TPD52L1: variants seen among roughly 807,000 people sequenced by gnomAD.
TPD52L1 encodes TPD52 like 1, also known as tumor protein D53.
TPD52L1 carries 18 observed loss-of-function variants against 28.7 expected under a neutral mutation model. The observed-to-expected ratio is 0.63, with a 90% CI of 0.43 to 0.93. TPD52L1 has a LOEUF of 0.93. Ranked by LOEUF, TPD52L1 falls within the 40% of genes least tolerant of loss-of-function variation. The pLI is 0.00. For synonymous variants in TPD52L1, 75 were observed against 88.8 expected (o/e 0.84, Z 0.88); for missense variants, 203 against 254.8 (o/e 0.80, Z 1.39).
intron 1 of TPD52L1, among the ~76,000 whole-genome samples, chr6:125,154,937 GAA>G (rs372603840): frequency 1.7e-4 from 25 of 145,786 alleles, no homozygotes; most frequent in African/African-American, 6.2e-4. Context: ...TCATTAAAAA[GAA>G]AAAAAAAAAG....
chr6:125,166,241 G>A (rs1448338899), intron 1 of TPD52L1, among the ~76,000 whole-genome samples: 1 of 152,166 alleles, frequency 6.6e-6, no homozygotes, highest in Non-Finnish European at 1.5e-5. Flanking sequence ...TTGGATATTT[G>A]TAGTTTTTCA....
chr6:125,229,358 G>C (rs921046216), intron 3 of TPD52L1, 92 bp downstream of exon 3: 1 of 1,295,620 alleles, frequency 7.7e-7, no homozygotes, highest in African/African-American at 1.5e-5. Flanking sequence ...AGGCTGATTT[G>C]GTGCATGAAG....
intron 1 of TPD52L1, among the ~76,000 whole-genome samples, chr6:125,172,214 TTCTTTCCTTCCTTCC>T (rs1191886431): frequency 1.4e-5 from 2 of 140,852 alleles, no homozygotes; most frequent in African/African-American, 5.6e-5. Flanking sequence ...TCTTCTTTCT[TTCTTTCCTTCCTTCC>T]TCTTTCCTTC....
chr6:125,223,993 G>A (rs1795429199), intron 2 of TPD52L1, among the ~76,000 whole-genome samples: 1 of 151,072 alleles, frequency 6.6e-6, no homozygotes, highest in Non-Finnish European at 1.5e-5. Flanking sequence ...TTAATCTTTT[G>A]TTTCAGATAT....
chr6:125,247,007 A>G (rs1223800111), intron 3 of TPD52L1, among the ~76,000 whole-genome samples: 1 of 152,146 alleles, frequency 6.6e-6, no homozygotes, highest in Non-Finnish European at 1.5e-5. Context: ...CACAAAAAGA[A>G]TACCACATTA....
intron 3 of TPD52L1, among the ~76,000 whole-genome samples, chr6:125,232,047 C>T (rs1795984684): frequency 6.6e-6 from 1 of 152,046 alleles, no homozygotes; most frequent in Non-Finnish European, 1.5e-5. Context: ...CTGAAATGCC[C>T]AATAGATAAA....
intron 1 of TPD52L1, among the ~76,000 whole-genome samples, chr6:125,187,101 TC>T (rs1284283536): frequency 1.3e-5 from 2 of 152,010 alleles, no homozygotes; most frequent in African/African-American, 4.8e-5. Flanking sequence ...ATGAAAAAAA[TC>T]TAATAATTTG....
intron 1 of TPD52L1, among the ~76,000 whole-genome samples, chr6:125,188,487 T>G (rs1352565204): frequency 6.6e-6 from 1 of 152,194 alleles, no homozygotes; most frequent in East Asian, 1.9e-4. Flanking sequence ...GTTTTCAGAC[T>G]TCTCAAAAAC....
intron 6 of TPD52L1, among the ~76,000 whole-genome samples, chr6:125,259,076 GTTCTAAGTC>G (rs1168860700): frequency 6.6e-6 from 1 of 151,760 alleles, no homozygotes; most frequent in Non-Finnish European, 1.5e-5. Context: ...TTACTTTTGT[GTTCTAAGTC>G]TTCTCCAAAA....
chr6:125,260,999 A>T lies in TPD52L1; in HGVS notation c.487-1835A>T, dbSNP rs1562411249. 3.4e-3 allele frequency: 157 copies of T among 45,678 alleles called. 11 individuals carry two copies. Among genetic ancestry groups the T allele is most frequent in the African/African-American group, 0.029 (153 of 5,232 alleles). The allele number at this position is 45,678 out of a possible 1,614,324, so 2.8% of individuals were successfully genotyped here. The stretch of plus-strand genomic sequence containing the variant: ...AAGAAAAGAAAAGAAAGAAAGAAAG[A>T]AAGAAAGAAAGAAAGAAAGAAAAGA... On this transcript the variant is annotated intron_variant, in intron 6 of 6. Transcript: ENST00000534000.
At chr6:125,156,655 G>C (rs1274694408) in intron 1 of TPD52L1, among the ~76,000 whole-genome samples, 4 of 151,988 alleles carry the variant, frequency 2.6e-5, no homozygotes, top group East Asian at 3.9e-4. Context: ...CTGTATCCCA[G>C]CTATTTGGGA....
At chr6:125,178,620 A>AAAAAC (rs567869890) in intron 1 of TPD52L1, among the ~76,000 whole-genome samples, 4,312 of 150,682 alleles carry the variant, frequency 0.029, 133 homozygotes, top group African/African-American at 0.067. Context: ...GACTCCATCT[A>AAAAAC]AAAACAAAAC....
At chr6:125,220,429 A>T (rs1795159078) in intron 2 of TPD52L1, among the ~76,000 whole-genome samples, 1 of 152,234 alleles carries the variant, frequency 6.6e-6, no homozygotes, top group Non-Finnish European at 1.5e-5. Context: ...AAGCAACAAT[A>T]ATAACCAGTT....
At chr6:125,225,350 T>G (rs761452765) in intron 2 of TPD52L1, among the ~76,000 whole-genome samples, 7 of 152,166 alleles carry the variant, frequency 4.6e-5, no homozygotes, top group Non-Finnish European at 8.8e-5. Flanking sequence ...TCTCAATTCT[T>G]TGGGGTATAT....
intron 6 of TPD52L1, chr6:125,261,024 AAAAGAAAG>A (rs1177753693): frequency 2.3e-4 from 7 of 30,592 alleles, no homozygotes; most frequent in African/African-American, 4.5e-4. Context: ...GAAAGAAAAG[AAAAGAAAG>A]AAAGAAAGAA....
chr6:125,154,988 G>A (rs554005055), intron 1 of TPD52L1, among the ~76,000 whole-genome samples: 1 of 152,098 alleles, frequency 6.6e-6, no homozygotes, highest in Non-Finnish European at 1.5e-5. Flanking sequence ...GGGGCAGAAC[G>A]CCCTGAATGA....
At chr6:125,255,748 T>G (rs74880090) in intron 5 of TPD52L1, among the ~76,000 whole-genome samples, 1 of 150,896 alleles carries the variant, frequency 6.6e-6, no homozygotes, top group Non-Finnish European at 1.5e-5. Flanking sequence ...TTTTTTTTTT[T>G]GCACTCAAGA....
At chr6:125,224,708 C>T (rs1225399450) in intron 2 of TPD52L1, among the ~76,000 whole-genome samples, 1 of 152,190 alleles carries the variant, frequency 6.6e-6, no homozygotes, top group African/African-American at 2.4e-5. Flanking sequence ...AAATAACATA[C>T]TGATGATGCC....
intron 3 of TPD52L1, among the ~76,000 whole-genome samples, chr6:125,233,053 C>G (rs983599710): frequency 6.6e-6 from 1 of 152,058 alleles, no homozygotes; most frequent in Non-Finnish European, 1.5e-5. Context: ...GTGGGCTATT[C>G]AAAGCAGTGG....
Sources: gnomAD v4.1 joint callset for allele counts (sites outside exome capture counted in the v4.1 genomes callset) on GRCh38, gnomAD v4.1.1 for gene constraint, MANE v1.5 for transcripts, NCBI Gene and HGNC (gene_info 2026-07-23, HGNC 2026-07-21) for gene names.